The following ZNF790 variants were observed in gnomAD, a reference collection of about 807,000 sequenced individuals.
ZNF790 encodes the protein zinc finger protein 790.
In ZNF790, 8 loss-of-function variants were observed where a neutral mutation model predicts 12.1. The ratio of observed to expected loss-of-function variants is 0.66; its 90% confidence interval spans 0.39 to 1.19. The LOEUF is 1.19. ZNF790 is among the 50% of genes most tolerant of loss of function. The pLI is 0.01. For missense variants in ZNF790, 707 were observed against 752.2 expected (o/e 0.94, Z 0.70); for synonymous variants, 252 against 244.3 (o/e 1.03, Z -0.29).
At chr19:36,848,477 T>C (rs573471242) in intron 1 of ZNF790, among the ~76,000 whole-genome samples, 1 of 151,422 alleles carries the variant, frequency 6.6e-6, no homozygotes, top group African/African-American at 2.4e-5. Flanking sequence ...CATACAAAAA[T>C]GTGATTGCCT....
At chr19:36,827,847 G>C (rs1213434847) in intron 1 of ZNF790, 1 of 152,218 alleles carries the variant, frequency 6.6e-6, no homozygotes, top group African/African-American at 2.4e-5. Context: ...CCATATTTCA[G>C]AGGTAATAAG....
In ZNF790 at chr19:36,823,775, C is replaced by T; in HGVS notation, c.25G>A (p.Asp9Asn). Reference protein sequence around the residue: MAHLMMFRDVAVDFSQEEW... With the variant: MAHLMMFRNVAVDFSQEEW... Reference sequence around the variant, plus strand: ...TCCTGAGAGAAATCTACAGCCACATCCCTGAACATCATCAACTGTTGGAAA... The same window carrying T: ...TCCTGAGAGAAATCTACAGCCACATTCCTGAACATCATCAACTGTTGGAAA... The change falls in exon 3 of 5, where the codon GAT becomes AAT. Residue 9 changes from aspartate to asparagine, a missense_variant. Asp to Asn is a conservative substitution (Grantham distance 23). Coordinates refer to ENST00000356725, the MANE Select transcript of ZNF790 (RefSeq NM_206894.4). 1.2e-6 allele frequency: 2 copies of T among 1,605,180 alleles called. No homozygotes were observed. The highest frequency in any genetic ancestry group is 1.1e-5 in the South Asian group (1 of 89,116).
Position 36,829,553 on chromosome 19 carries a change from G to A in ZNF790, c.-73-3861C>T, listed in dbSNP as rs544700473. On this transcript the variant is annotated intron_variant, in intron 1 of 4. Transcript: ENST00000356725. ...TCGTCTATTAATGGACATTTGGGTT[G>A]TTTCCACCTTTTGACAATTACTATT... Among the ~76,000 whole-genome samples the A allele has an allele frequency of 8.5e-5, 13 of 152,286 alleles. No individual in the cohort carries two copies. The South Asian group carries it at 2.7e-3, about 32-fold the overall frequency.
rs770754311 is a variant in ZNF790 at position 36,819,427 on chromosome 19, C to A, written c.917G>T (p.Gly306Val). The change falls in exon 5 of 5, where the codon GGT becomes GTT. Residue 306 changes from glycine (G) to valine (V), a missense_variant. Coordinates refer to ENST00000356725, the MANE Select transcript of ZNF790 (RefSeq NM_206894.4). The stretch of plus-strand genomic sequence containing the variant: ...TTCATTACATTCATAGGGTTTTTCA[C>A]CAGTATGAATTCTCTGATGTCGAGT... ...DLTRHQRIHT[G>V]EKPYECNECR... 7 of 1,610,544 alleles carry A rather than the reference C, an allele frequency of 4.3e-6. No individual in the cohort carries two copies. The Admixed American group carries it at 6.7e-5, about 15-fold the overall frequency.
intron 1 of ZNF790, among the ~76,000 whole-genome samples, chr19:36,832,574 A>C (rs556869834): frequency 5.5e-4 from 83 of 152,210 alleles, no homozygotes; most frequent in African/African-American, 2.0e-3. Flanking sequence ...CCACGTTGGA[A>C]GGTGATCCTC....
upstream of ZNF790, among the ~76,000 whole-genome samples, chr19:36,842,830 C>T (rs1173054924): frequency 4.0e-5 from 6 of 151,576 alleles, no homozygotes; most frequent in African/African-American, 1.5e-4. Context: ...ATGGTGACAC[C>T]CTGTCTCTAC....
rs772223943 is a variant in ZNF790, at chr19:36,823,765, A to G, written c.35T>C (p.Val12Ala). Reference protein sequence around the residue: ...AHLMMFRDVAVDFSQEEWECL... With the variant: ...AHLMMFRDVAADFSQEEWECL... ...CTCCCACTCCTCCTGAGAGAAATCT[A>G]CAGCCACATCCCTGAACATCATCAA... The change falls in exon 3 of 5, where the codon GTA becomes GCA. Residue 12 changes from valine to alanine, a missense_variant. By Grantham distance (64) the Val-to-Ala change is moderately conservative (BLOSUM62 0). Transcript: ENST00000356725. The G allele has an allele frequency of 1.2e-6, 2 of 1,612,688 alleles. No individual in the cohort carries two copies. Among genetic ancestry groups the G allele is most frequent in the South Asian group, 1.1e-5 (1 of 90,800 alleles).
chr19:36,827,260 CTA>C (rs1281567287), intron 1 of ZNF790, among the ~76,000 whole-genome samples: 1 of 150,114 alleles, frequency 6.7e-6, no homozygotes, highest in Non-Finnish European at 1.5e-5. Context: ...ACCCAGCAGA[CTA>C]TGGAGGATTC....
chr19:36,823,144 C>T (rs566522400), intron 4 of ZNF790, 141 bp downstream of exon 4: 26 of 641,424 alleles, frequency 4.1e-5, no homozygotes, highest in East Asian at 1.9e-4. Flanking sequence ...GGATTACAGG[C>T]GGGAGCCACC....
chr19:36,819,915 G>A lies in ZNF790; in HGVS notation c.429C>T (p.Arg143=). Residue 143 remains arginine (R), a synonymous_variant, in exon 5 of 5, where the codon CGC becomes CGT. Transcript: ENST00000356725. ...TAAAAGTGGGCCTTTTTTCACAGGT[G>A]CGTATCACCTGCTTGAAGCATTCCT... is the stretch of plus-strand genomic sequence containing the variant. The part of the protein sequence containing the change: ...NQEECFKQVI[R]TCEKRPTFNQ... The A allele has an allele frequency of 6.2e-7, 1 of 1,614,110 alleles. No homozygotes were observed. Among genetic ancestry groups the A allele is most frequent in the Non-Finnish European group, 8.5e-7 (1 of 1,180,006 alleles).
intron 1 of ZNF790, among the ~76,000 whole-genome samples, chr19:36,834,124 T>TCAGCTACTCAGTA (rs1350178733): frequency 9.9e-5 from 15 of 151,172 alleles, no homozygotes; most frequent in African/African-American, 3.6e-4. Context: ...ATGCCTGTAA[T>TCAGCTACTCAGTA]CCCAGCTACT....
intron 1 of ZNF790, among the ~76,000 whole-genome samples, chr19:36,826,576 G>A (rs1011564165): frequency 3.2e-5 from 4 of 126,028 alleles, no homozygotes; most frequent in South Asian, 5.7e-4. Context: ...AGCGAGACTC[G>A]GTCTCAAAAA....
chr19:36,846,333 CA>C (rs1029058788), intron 1 of ZNF790, among the ~76,000 whole-genome samples: 189 of 152,098 alleles, frequency 1.2e-3, no homozygotes, highest in African/African-American at 4.4e-3. Context: ...ACGATGCGGG[CA>C]GATCACAAGA....
In ZNF790 at chr19:36,819,528, AT is replaced by A. The variant is rs748969823; in HGVS notation, c.815del (p.His272LeufsTer82). On this transcript the variant is annotated frameshift_variant, in exon 5 of 5. Coordinates refer to ENST00000356725, the MANE Select transcript of ZNF790 (RefSeq NM_206894.4). LOFTEE classifies it low-confidence loss of function (END_TRUNC). ...ATTTCTCACCAGTATGAATTCGCTT[AT>A]GGACACTAAGTTGTGAATGAAATCT... is the stretch of plus-strand genomic sequence containing the variant. The part of the protein sequence containing the change: ...AFRFHSQLSV[H>X]KRIHTGEKSY... 6.2e-7 allele frequency: 1 copy of A among 1,613,196 alleles called. No homozygotes were observed. The highest frequency in any genetic ancestry group is 8.5e-7 in the Non-Finnish European group (1 of 1,179,442).
intron 1 of ZNF790, among the ~76,000 whole-genome samples, chr19:36,848,416 C>G (rs1398566725): frequency 6.6e-6 from 1 of 152,172 alleles, no homozygotes; most frequent in Non-Finnish European, 1.5e-5. Context: ...CCCGGACTAC[C>G]CCACAGGCGT....
intron 1 of ZNF790, among the ~76,000 whole-genome samples, chr19:36,835,059 G>T (rs1468098756): frequency 2.6e-5 from 4 of 152,192 alleles, no homozygotes; most frequent in Non-Finnish European, 5.9e-5. Flanking sequence ...AGGCCAAGGT[G>T]GGCAGATCAC....
At chr19:36,822,873 CAG>C (rs1046580370) in intron 4 of ZNF790, among the ~76,000 whole-genome samples, 3 of 151,810 alleles carry the variant, frequency 2.0e-5, no homozygotes, top group East Asian at 2.0e-4. Context: ...TCCCCTGAGA[CAG>C]AGTCTCACTC....
At chr19:36,830,297 G>A (rs951277273) in intron 1 of ZNF790, among the ~76,000 whole-genome samples, 2 of 152,156 alleles carry the variant, frequency 1.3e-5, no homozygotes, top group Non-Finnish European at 2.9e-5. Flanking sequence ...TGAGATGATT[G>A]TGTGATTTTT....
At chr19:36,830,112 T>C (rs2146057323) in intron 1 of ZNF790, among the ~76,000 whole-genome samples, 1 of 152,284 alleles carries the variant, frequency 6.6e-6, no homozygotes, top group South Asian at 2.1e-4. Flanking sequence ...CCTTGTCTGG[T>C]CCCTGATCTT....
Sources: gnomAD v4.1 joint callset for allele counts (sites outside exome capture counted in the v4.1 genomes callset) on GRCh38, gnomAD v4.1.1 for gene constraint, MANE v1.5 for transcripts, NCBI Gene and HGNC (gene_info 2026-07-23, HGNC 2026-07-21) for gene names.